GLIS3: variants seen among roughly 807,000 people sequenced by gnomAD.
GLIS3 encodes the protein GLIS family zinc finger 3, also known as zinc finger protein GLIS3.
A neutral mutation model predicts 78.6 loss-of-function variants in GLIS3; 53 were observed. The ratio of observed to expected loss-of-function variants is 0.67; its 90% CI spans 0.54 to 0.85. The LOEUF (loss-of-function observed/expected upper bound fraction) is 0.85, where lower values mean the gene tolerates loss of function less well. Ranked by LOEUF, GLIS3 falls within the 40% of genes least tolerant of loss-of-function variation. The pLI, the probability that GLIS3 is intolerant of heterozygous loss-of-function variation, is 0.00. For synonymous variants in GLIS3, 684 were observed against 509.9 expected (o/e 1.34, Z -4.60); for missense variants, 1,703 against 1,231.1 (o/e 1.38, Z -5.74).
At chr9:4,281,675 T>C (rs1400055358) in intron 2 of GLIS3, among the ~76,000 whole-genome samples, 2 of 152,240 alleles carry the variant, frequency 1.3e-5, no homozygotes, top group African/African-American at 2.4e-5. Flanking sequence ...GGGTTGTTTC[T>C]TCCTTTTGGC....
chr9:4,393,855 G>T, the GLIS3 span, among the ~76,000 whole-genome samples: 16 of 152,258 alleles, frequency 1.1e-4, no homozygotes, highest in East Asian at 1.7e-3. Context: ...AAACATGTAA[G>T]AAGGGCTCTG....
At chr9:3,950,625 C>G (rs1816614227) in intron 4 of GLIS3, among the ~76,000 whole-genome samples, 1 of 152,196 alleles carries the variant, frequency 6.6e-6, no homozygotes, top group Non-Finnish European at 1.5e-5. Context: ...TGAAATATTT[C>G]TTTTTCAGAA....
At chr9:4,373,543 A>G in the GLIS3 span, among the ~76,000 whole-genome samples, 1 of 152,204 alleles carries the variant, frequency 6.6e-6, no homozygotes, top group African/African-American at 2.4e-5. Flanking sequence ...CCAATAATCA[A>G]TTTGAAATAT....
At chr9:4,405,259 C>A in the GLIS3 span, among the ~76,000 whole-genome samples, 1 of 151,848 alleles carries the variant, frequency 6.6e-6, no homozygotes, top group African/African-American at 2.4e-5. Flanking sequence ...GAGGCTGAGG[C>A]AGGAGAATCA....
intron 2 of GLIS3, among the ~76,000 whole-genome samples, chr9:4,272,578 T>C (rs1378169034): frequency 2.6e-5 from 4 of 152,196 alleles, no homozygotes; most frequent in Non-Finnish European, 5.9e-5. Flanking sequence ...TAAATTAAGA[T>C]ATATAAAGCT....
Position 4,299,892 on chromosome 9 carries a change from CGCGGACG to C in GLIS3, c.-577_-571del, listed in dbSNP as rs1816968327. ...CCGTCGCCGGTGTGACCCTGGACGGCGCGGACGGCGTACAGGGGGTCCCGGGAGGGGC... is the reference window on the plus strand; with the variant it reads ...CCGTCGCCGGTGTGACCCTGGACGGCGCGTACAGGGGGTCCCGGGAGGGGC... On this transcript the variant is annotated 5_prime_UTR_variant, in exon 1 of 11. Transcript: ENST00000381971. 1 of 152,120 alleles carries C rather than the reference CGCGGACG, an allele frequency of 6.6e-6. No individual in the cohort carries two copies. The highest frequency in any genetic ancestry group is 1.5e-5 in the Non-Finnish European group (1 of 68,056). The allele number at this position is 152,120 out of a possible 1,614,324, so 9.4% of individuals were successfully genotyped here.
chr9:4,470,228 G>C, the GLIS3 span, among the ~76,000 whole-genome samples: 174 of 152,268 alleles, frequency 1.1e-3, 1 homozygote, highest in African/African-American at 4.1e-3. Context: ...AATAGAAAAA[G>C]AGGGAATCCT....
chr9:4,275,246 A>C (rs1484610633), intron 2 of GLIS3, among the ~76,000 whole-genome samples: 2 of 152,186 alleles, frequency 1.3e-5, no homozygotes, highest in African/African-American at 4.8e-5. Context: ...CTGTTGAAAA[A>C]AGTCAAGTAA....
chr9:4,231,869 G>T (rs538260385), intron 2 of GLIS3, among the ~76,000 whole-genome samples: 5 of 152,248 alleles, frequency 3.3e-5, no homozygotes, highest in African/African-American at 9.6e-5. Context: ...CTTAATGGAA[G>T]GCCTGCAACA....
chr9:4,401,718 A>C, the GLIS3 span, among the ~76,000 whole-genome samples: 3 of 151,784 alleles, frequency 2.0e-5, no homozygotes, highest in Non-Finnish European at 4.4e-5. Context: ...CAGCCTCCCA[A>C]GTAGCTGGGA....
chr9:3,913,880 A>G (rs1044095463), intron 6 of GLIS3, among the ~76,000 whole-genome samples: 4 of 152,170 alleles, frequency 2.6e-5, no homozygotes, highest in African/African-American at 9.7e-5. Flanking sequence ...CATGAAAGGT[A>G]CTCTATAAAT....
At chr9:4,097,416 G>A (rs1235024953) in intron 4 of GLIS3, among the ~76,000 whole-genome samples, 1 of 152,054 alleles carries the variant, frequency 6.6e-6, no homozygotes, top group East Asian at 1.9e-4. Flanking sequence ...ACCTGGGCAA[G>A]AAGGGGTGGG....
intron 3 of GLIS3, among the ~76,000 whole-genome samples, chr9:4,121,151 GGCCTTTGCCTAGCA>G (rs1437557542): frequency 6.6e-6 from 1 of 152,166 alleles, no homozygotes; most frequent in Non-Finnish European, 1.5e-5. Context: ...TTCCCCAAAT[GGCCTTTGCCTAGCA>G]GCCAGTCTTC....
chr9:4,276,582 A>G, intron 2 of GLIS3, among the ~76,000 whole-genome samples: 1 of 151,102 alleles, frequency 6.6e-6, no homozygotes, highest in Non-Finnish European at 1.5e-5. Context: ...AGAAGAAAGA[A>G]AATGCTATAG....
intron 4 of GLIS3, among the ~76,000 whole-genome samples, chr9:3,998,708 A>T (rs931849578): frequency 6.6e-6 from 1 of 150,482 alleles, no homozygotes; most frequent in African/African-American, 2.4e-5. Flanking sequence ...GTTTCCATTC[A>T]GTTTTAAGGT....
At chr9:4,205,000 A>G (rs533642463) in intron 2 of GLIS3, among the ~76,000 whole-genome samples, 1 of 151,228 alleles carries the variant, frequency 6.6e-6, no homozygotes, top group Non-Finnish European at 1.5e-5. Flanking sequence ...CAACATGATG[A>G]AACCCCGTCT....
chr9:4,300,071 G>A (rs911175263), upstream of GLIS3, among the ~76,000 whole-genome samples: 1 of 151,680 alleles, frequency 6.6e-6, no homozygotes, highest in African/African-American at 2.4e-5. Flanking sequence ...ATGTGTGTGC[G>A]GCCGCGAGGG....
chr9:4,298,632 C>T (rs1034071594), intron 1 of GLIS3: 2 of 219,860 alleles, frequency 9.1e-6, no homozygotes, highest in African/African-American at 4.7e-5. Context: ...ACAACGTCTC[C>T]GAGACTGAGA....
chr9:4,104,087 G>T (rs183732803), intron 4 of GLIS3, among the ~76,000 whole-genome samples: 3 of 152,166 alleles, frequency 2.0e-5, no homozygotes, highest in East Asian at 3.9e-4. Flanking sequence ...TTTAAATTAG[G>T]TAAGTCAGTC....
Sources: gnomAD v4.1 joint callset for allele counts (sites outside exome capture counted in the v4.1 genomes callset) on GRCh38, gnomAD v4.1.1 for gene constraint, MANE v1.5 for transcripts, NCBI Gene and HGNC (gene_info 2026-07-23, HGNC 2026-07-21) for gene names.